KCNT1: variants seen among roughly 807,000 people sequenced by gnomAD.
KCNT1 encodes the protein potassium channel subfamily T member 1.
A neutral mutation model predicts 147.8 loss-of-function variants in KCNT1; 78 were observed. The observed-to-expected ratio is 0.53, with a 90% CI of 0.44 to 0.64. The LOEUF is 0.64. Ranked by LOEUF, KCNT1 falls within the 30% of genes least tolerant of loss-of-function variation. The pLI, the probability that KCNT1 is intolerant of heterozygous loss-of-function variation, is 0.00. For missense variants in KCNT1, 1,419 were observed against 1,750.3 expected (o/e 0.81, Z 3.38); for synonymous variants, 867 against 748.8 (o/e 1.16, Z -2.58).
chr9:135,776,486 C>T (rs796804484), intron 20 of KCNT1, among the ~76,000 whole-genome samples: 10 of 152,278 alleles, frequency 6.6e-5, no homozygotes, highest in South Asian at 2.1e-4. Context: ...AGGCTAGTCT[C>T]GAACTCCTGG....
intron 1 of KCNT1, among the ~76,000 whole-genome samples, chr9:135,709,296 C>A (rs1054751066): frequency 6.6e-6 from 1 of 152,204 alleles, no homozygotes; most frequent in African/African-American, 2.4e-5. Flanking sequence ...GAGACCTGTG[C>A]CTTCACAGAG....
At chr9:135,717,269 G>A (rs1835758616) in intron 2 of KCNT1, among the ~76,000 whole-genome samples, 1 of 150,920 alleles carries the variant, frequency 6.6e-6, no homozygotes, top group African/African-American at 2.4e-5. Context: ...TTGTGGTGTT[G>A]GTGTCTATAG....
At chr9:135,713,861 C>T (rs770743922) in intron 1 of KCNT1, among the ~76,000 whole-genome samples, 1 of 152,214 alleles carries the variant, frequency 6.6e-6, no homozygotes, top group Non-Finnish European at 1.5e-5. Context: ...GGTCCTCCCA[C>T]TCTACCTGGT....
chr9:135,782,673 GTCTC>G (rs151096079), intron 24 of KCNT1, among the ~76,000 whole-genome samples: 2,036 of 152,288 alleles, frequency 0.013, 35 homozygotes, highest in Middle Eastern at 0.054. Flanking sequence ...TTCCTTCCAC[GTCTC>G]TCTCTGGCCC....
At chr9:135,776,708 G>T (rs1412337954) in intron 20 of KCNT1, among the ~76,000 whole-genome samples, 4 of 152,354 alleles carry the variant, frequency 2.6e-5, no homozygotes, top group Middle Eastern at 6.8e-3. Context: ...ATAATCTGTG[G>T]CCGGTCATTG....
Position 135,730,204 on chromosome 9 carries a change from G to A in KCNT1, c.254+15484G>A, listed in dbSNP as rs531791104. On this transcript the variant is annotated intron_variant, in intron 2 of 30. Coordinates refer to ENST00000371757, the MANE Select transcript of KCNT1 (RefSeq NM_020822.3). The surrounding 1 kb of genome is among the most constrained non-coding windows in gnomAD (Gnocchi z 4.7). The stretch of plus-strand genomic sequence containing the variant: ...GTGTTGAATTGCAGCCTCTAGTGGC[G>A]ACAACAAGGAAAGGGGTTCCCTGGA... Among the ~76,000 whole-genome samples the A allele has an allele frequency of 4.6e-5, 7 of 152,234 alleles. No individual in the cohort carries two copies. The highest frequency in any genetic ancestry group is 4.2e-4 in the South Asian group (2 of 4,810).
chr9:135,710,821 G>A (rs534584), intron 1 of KCNT1, among the ~76,000 whole-genome samples: 135,626 of 152,252 alleles, frequency 0.89, 60,837 homozygotes, highest in East Asian at 0.98. Context: ...GATTGGCGGC[G>A]ATTCCCTTTA....
Position 135,784,884 on chromosome 9 carries a change from T to C in KCNT1, c.3151T>C (p.Ser1051Pro). ...GACAGAGAGCCACGTCTTCTCCACC[T>C]CGGAGGTTCTGGGGCAGCCTGGGGG... ...YRTESHVFST[S>P]EPHDLRAQSQ... The change falls in exon 27 of 31, where the codon TCG becomes CCG. Residue 1051 changes from serine to proline, a missense_variant. This residue lies in a region of KCNT1 where 306 missense variants were observed against 294.2 expected (regional missense o/e 1.04). Transcript: ENST00000371757. The C allele has an allele frequency of 1.2e-6, 2 of 1,612,264 alleles. No homozygotes were observed. Among genetic ancestry groups the C allele is most frequent in the Non-Finnish European group, 1.7e-6 (2 of 1,179,898 alleles).
chr9:135,717,502 C>G (rs1478162235), intron 2 of KCNT1, among the ~76,000 whole-genome samples: 1 of 152,120 alleles, frequency 6.6e-6, no homozygotes, highest in African/African-American at 2.4e-5. Flanking sequence ...CCTGGCTCCC[C>G]CTGGAGGCTG....
At chr9:135,774,548 TTGTGTGGTC>T (rs1352093445) in intron 19 of KCNT1, among the ~76,000 whole-genome samples, 2 of 150,316 alleles carry the variant, frequency 1.3e-5, no homozygotes, top group Non-Finnish European at 3.0e-5. Context: ...GTGTAGTGTG[TTGTGTGGTC>T]TGTGTGGTGT....
At position 135,702,188 on chromosome 9, in the gene KCNT1, GC is replaced by G. The variant is rs1416989001; in HGVS notation, c.-70del. 15 of 1,162,424 alleles carry G rather than the reference GC, an allele frequency of 1.3e-5. No individual in the cohort carries two copies. Among genetic ancestry groups the G allele is most frequent in the Non-Finnish European group, 2.5e-6 (2 of 791,562 alleles). 72.0% of individuals were successfully genotyped at this position (1,162,424 alleles called of 1,614,324 possible). A position where few individuals can be genotyped will look rare whatever the true frequency, so the allele number is the denominator to read the frequency against. On this transcript the variant is annotated 5_prime_UTR_variant, in exon 1 of 31. Coordinates refer to ENST00000371757, the MANE Select transcript of KCNT1 (RefSeq NM_020822.3). ...GAGGAAAAAAAAAATGTTTTTCAGG[GC>G]AACGCGAGGGAAGAAGGTGGCGGCT... is the stretch of plus-strand genomic sequence containing the variant.
rs549276113 is a variant in KCNT1, at chr9:135,786,512, A to G, written c.3493A>G (p.Thr1165Ala). 2 of 1,592,554 alleles carry G rather than the reference A, an allele frequency of 1.3e-6. No individual in the cohort carries two copies. Among genetic ancestry groups the G allele is most frequent in the Admixed American group, 1.8e-5 (1 of 55,792 alleles). ...NRMKHLGLPT[T>A]GYDEMNDHQN... Reference sequence around the variant, plus strand: ...CATGAAGCACCTGGGGCTGCCCACCACCGGCTACGGTAAGGGCACACGGCG... The same window carrying G: ...CATGAAGCACCTGGGGCTGCCCACCGCCGGCTACGGTAAGGGCACACGGCG... The change falls in exon 29 of 31, where the codon ACC becomes GCC. Residue 1165 changes from threonine to alanine, a missense_variant. Thr to Ala is a moderately conservative substitution (Grantham distance 58). Transcript: ENST00000371757.
In KCNT1 at chr9:135,772,919, C is replaced by T. The variant is rs760032575; in HGVS notation, c.2213C>T (p.Pro738Leu). ...LSDQSEDEVT[P>L]SDDEGLSVVE... ...GACCAGTCGGAGGATGAGGTGACGC[C>T]GTCGGACGACGAGGGGCTCTCCGTG... is the stretch of plus-strand genomic sequence containing the variant. The change falls in exon 19 of 31, where the codon CCG becomes CTG. Residue 738 changes from proline (P) to leucine (L), a missense_variant. Physicochemically the swap from Pro to Leu is moderately conservative, Grantham distance 98. Coordinates refer to ENST00000371757, the MANE Select transcript of KCNT1 (RefSeq NM_020822.3). 2.6e-5 allele frequency: 40 copies of T among 1,525,890 alleles called. No individual in the cohort carries two copies. Among genetic ancestry groups the T allele is most frequent in the Non-Finnish European group, 3.2e-5 (37 of 1,138,854 alleles). 94.5% of individuals were successfully genotyped at this position (1,525,890 alleles called of 1,614,324 possible).
intron 2 of KCNT1, among the ~76,000 whole-genome samples, chr9:135,740,302 G>A (rs1340100902): frequency 6.6e-6 from 1 of 152,204 alleles, no homozygotes; most frequent in East Asian, 1.9e-4. Flanking sequence ...GGACCTGGCT[G>A]TGCTCTGGGC....
intron 2 of KCNT1, among the ~76,000 whole-genome samples, chr9:135,728,739 C>T (rs772130546): frequency 2.1e-4 from 32 of 152,186 alleles, no homozygotes; most frequent in Non-Finnish European, 4.1e-4. Flanking sequence ...CCAGCGGCCC[C>T]GGCATGTGCT....
rs1832631138 is a variant in KCNT1, at chr9:135,769,917, A to C, written c.1511-30A>C. The C allele has an allele frequency of 1.0e-5, 15 of 1,479,502 alleles. 1 individual carries two copies. The East Asian group carries it at 3.5e-4, about 34-fold the overall frequency. 91.6% of individuals were successfully genotyped at this position (1,479,502 alleles called of 1,614,324 possible). A position where few individuals can be genotyped will look rare whatever the true frequency, so the allele number is the denominator to read the frequency against. On this transcript the variant is annotated intron_variant, in intron 15 of 30. Coordinates refer to ENST00000371757, the MANE Select transcript of KCNT1 (RefSeq NM_020822.3). ...GGGAGGAGAGAGCCGGCAGAGCGGC[A>C]GGTGGACCGGCCTCCCCCACTGCCC...
intron 24 of KCNT1, among the ~76,000 whole-genome samples, chr9:135,779,759 A>C (rs1833472285): frequency 6.6e-6 from 1 of 152,230 alleles, no homozygotes; most frequent in East Asian, 1.9e-4. Flanking sequence ...CCGTATCTGG[A>C]GGCCAAGGCC....
At chr9:135,755,219 C>T in intron 6 of KCNT1, 50 bp downstream of exon 6, 1 of 1,517,082 alleles carries the variant, frequency 6.6e-7, no homozygotes, top group Admixed American at 1.9e-5. Flanking sequence ...GCTCAGTAAG[C>T]ACTGAGGACC....
chr9:135,769,300 C>T (rs1045601418), intron 15 of KCNT1, among the ~76,000 whole-genome samples: 2 of 143,518 alleles, frequency 1.4e-5, no homozygotes, highest in East Asian at 2.1e-4. Context: ...TGGGGCAGGG[C>T]GCGTGTGCAC....
Sources: gnomAD v4.1 joint callset for allele counts (sites outside exome capture counted in the v4.1 genomes callset) on GRCh38, gnomAD v4.1.1 for gene constraint, gnomAD v4.1.1 regional missense constraint, Gnocchi (gnomAD v3.1) non-coding constraint, MANE v1.5 for transcripts, NCBI Gene and HGNC (gene_info 2026-07-23, HGNC 2026-07-21) for gene names.